PSG8: variants seen among roughly 807,000 people sequenced by gnomAD.
PSG8 encodes pregnancy specific beta-1-glycoprotein 8, also known as pregnancy-specific beta-1-glycoprotein 8.
PSG8 carries 57 observed loss-of-function variants against 42.5 expected under a neutral mutation model. That is an observed-to-expected ratio of 1.34 (90% CI 1.08 to 1.67). The LOEUF (loss-of-function observed/expected upper bound fraction) is 1.67, where lower values mean the gene tolerates loss of function less well. PSG8 is among the 40% of genes most tolerant of loss of function. The pLI is 0.00. For synonymous variants in PSG8, 280 were observed against 196.8 expected, an observed-to-expected ratio of 1.42 and a Z score of -3.54; for missense variants, 783 against 518.6, an observed-to-expected ratio of 1.51 and a Z score of -4.95.
intron 2 of PSG8, among the ~76,000 whole-genome samples, chr19:42,760,438 G>A (rs540416774): frequency 1.3e-5 from 2 of 152,210 alleles, no homozygotes; most frequent in African/African-American, 2.4e-5. Context: ...AAGTTGAAAT[G>A]TTGTTCCACT....
chr19:42,754,598 G>T lies in PSG8; in HGVS notation c.989-11C>A, dbSNP rs1428642332. Reference sequence around the variant, plus strand: ...GGAGGTCTGGACCATCTGGAGCAAAGAGAATAAAGCCACAGGTGATGTCAT... The same window carrying T: ...GGAGGTCTGGACCATCTGGAGCAAATAGAATAAAGCCACAGGTGATGTCAT... On this transcript the variant is annotated splice_polypyrimidine_tract_variant and intron_variant, in intron 4 of 4. Coordinates refer to ENST00000306511, the MANE Select transcript of PSG8 (RefSeq NM_182707.3). The T allele has an allele frequency of 6.2e-7, 1 of 1,608,804 alleles. No homozygotes were observed. The highest frequency in any genetic ancestry group is 1.3e-5 in the African/African-American group (1 of 74,764).
At chr19:42,760,539 G>T (rs527740631) in intron 2 of PSG8, among the ~76,000 whole-genome samples, 36 of 152,192 alleles carry the variant, frequency 2.4e-4, no homozygotes, top group African/African-American at 8.2e-4. Context: ...CCTCAGCTGT[G>T]TGCAGTCTAC....
chr19:42,765,351 A>G (rs1408482602), intron 1 of PSG8, among the ~76,000 whole-genome samples, 167 bp downstream of exon 1: 1 of 151,812 alleles, frequency 6.6e-6, no homozygotes, highest in African/African-American at 2.4e-5. Flanking sequence ...ACAGGGCTTC[A>G]CTGTGTTGGC....
chr19:42,761,637 T>A (rs1425926295), intron 2 of PSG8, among the ~76,000 whole-genome samples: 1 of 152,022 alleles, frequency 6.6e-6, no homozygotes, highest in African/African-American at 2.4e-5. Context: ...GCCCACATGA[T>A]TCCATCACCA....
chr19:42,756,254 A>T (rs1214951159), intron 3 of PSG8: 1 of 152,150 alleles, frequency 6.6e-6, no homozygotes, highest in African/African-American at 2.4e-5. Context: ...TAGGGACCTC[A>T]TGTAAGTGGA....
At position 42,755,051 on chromosome 19, in the gene PSG8, G is replaced by A. The variant is rs1205794631; in HGVS notation, c.925C>T (p.Gln309Ter). The part of the protein sequence containing the change: ...SVTRNETGPY[Q>*]CEIRDQYGGI... ...CCATATTGGTCCCTTATTTCACATT[G>A]ATAGGGTCCTGTTTCATTTCTCGTG... The change falls in exon 4 of 5, where the codon CAA becomes TAA. Residue 309 changes from glutamine to a stop codon, truncating the protein, a stop_gained. Transcript: ENST00000306511. LOFTEE classifies it high-confidence loss of function. 1 of 1,613,034 alleles carries A rather than the reference G, an allele frequency of 6.2e-7. No individual in the cohort carries two copies. Among genetic ancestry groups the A allele is most frequent in the African/African-American group, 1.3e-5 (1 of 74,968 alleles).
chr19:42,760,356 T>G (rs557546047), intron 2 of PSG8, among the ~76,000 whole-genome samples: 1 of 152,300 alleles, frequency 6.6e-6, no homozygotes, highest in South Asian at 2.1e-4. Context: ...ACATGTATGT[T>G]ACAGCCTTTG....
At position 42,758,039 on chromosome 19, in the gene PSG8, A is replaced by G. The variant is rs770680437; in HGVS notation, c.672T>C (p.Ser224=). ...GGGTGAATGGGTCACTGCGGCTGGC[A>G]CTCACTGGGTTCCGTATTTCACATT... The part of the protein sequence containing the change: ...PYECEIRNPV[S]ASRSDPFTLN... Residue 224 remains serine, a synonymous_variant, in exon 3 of 5, where the codon AGT becomes AGC. Coordinates refer to ENST00000306511, the MANE Select transcript of PSG8 (RefSeq NM_182707.3). The G allele has an allele frequency of 3.1e-6, 5 of 1,613,890 alleles. No homozygotes were observed. Among genetic ancestry groups the G allele is most frequent in the Non-Finnish European group, 3.4e-6 (4 of 1,179,914 alleles).
chr19:42,764,150 T>A lies in PSG8; in HGVS notation c.196A>T (p.Ile66Phe), dbSNP rs570388501. 3 of 1,613,918 alleles carry A rather than the reference T, an allele frequency of 1.9e-6. No homozygotes were observed. The highest frequency in any genetic ancestry group is 2.2e-5 in the East Asian group (1 of 44,860). ...HNLPQNLTGY[I>F]WYKGQIRDLY... ...TCCCTGATTTGCCCTTTGTACCAGA[T>A]GTAGCCAGTAAGATTCTGGGGCAAA... The change falls in exon 2 of 5, where the codon ATC (isoleucine) becomes TTC (phenylalanine). Residue 66 changes from isoleucine (I) to phenylalanine (F), a missense_variant. Transcript: ENST00000306511.
chr19:42,757,414 C>A (rs970624672), intron 3 of PSG8, among the ~76,000 whole-genome samples: 2 of 151,948 alleles, frequency 1.3e-5, no homozygotes, highest in Non-Finnish European at 2.9e-5. Flanking sequence ...CAGACATAGA[C>A]CCCTCTATAT....
intron 2 of PSG8, among the ~76,000 whole-genome samples, chr19:42,761,685 T>C (rs941689187): frequency 2.6e-5 from 4 of 152,086 alleles, no homozygotes; most frequent in African/African-American, 9.7e-5. Context: ...CCTGTGCTCC[T>C]GAAACTACCC....
At chr19:42,762,827 T>C (rs912547572) in intron 2 of PSG8, among the ~76,000 whole-genome samples, 3 of 152,104 alleles carry the variant, frequency 2.0e-5, no homozygotes, top group African/African-American at 7.2e-5. Context: ...TTTGGATGCC[T>C]AAGAAGAGAG....
downstream of PSG8, chr19:42,753,487 G>A (rs1006773212): frequency 2.9e-6 from 2 of 700,028 alleles, no homozygotes; most frequent in Non-Finnish European, 5.2e-6. Flanking sequence ...GGCATCTCTA[G>A]TTTTACCAAT....
intron 3 of PSG8, among the ~76,000 whole-genome samples, chr19:42,756,518 C>T (rs1363446141): frequency 6.6e-6 from 1 of 152,100 alleles, no homozygotes; most frequent in Non-Finnish European, 1.5e-5. Flanking sequence ...TTTAGCATCC[C>T]AAATCTGAAA....
chr19:42,765,564 G>A lies in PSG8; in HGVS notation c.18C>T (p.Ala6=), dbSNP rs1342394703. 2.5e-6 allele frequency: 4 copies of A among 1,611,050 alleles called. No homozygotes were observed. The highest frequency in any genetic ancestry group is 3.4e-6 in the Non-Finnish European group (4 of 1,178,124). The change falls in exon 1 of 5, where the codon GCC becomes GCT. Residue 6 remains alanine, a synonymous_variant. Coordinates refer to ENST00000306511, the MANE Select transcript of PSG8 (RefSeq NM_182707.3). The stretch of plus-strand genomic sequence containing the variant: ...AGGTGATGCGCTGTGTGCAGGGAGG[G>A]GCTGAGAGGAGCCCCATGGTCTCTG... MGLLS[A]PPCTQRITWK...
chr19:42,756,767 T>A (rs1198169897), intron 3 of PSG8, among the ~76,000 whole-genome samples: 3 of 152,074 alleles, frequency 2.0e-5, no homozygotes. Flanking sequence ...CATCAGAACT[T>A]TCCACCTTTT....
rs1057402285 is a variant in PSG8 at position 42,758,508 on chromosome 19, A to G, written c.431-228T>C. On this transcript the variant is annotated intron_variant, in intron 2 of 4. Coordinates refer to ENST00000306511, the MANE Select transcript of PSG8 (RefSeq NM_182707.3). ...AGACTTTCTCAAGTGTGAATTGAGC[A>G]GCAGCATTGGGTCATGGAAAGACAC... The G allele has an allele frequency of 2.9e-5, 28 of 977,484 alleles. No homozygotes were observed. The African/African-American group carries it at 4.4e-4, about 16-fold the overall frequency. 60.6% of individuals were successfully genotyped at this position (977,484 alleles called of 1,614,324 possible). A position where few individuals can be genotyped will look rare whatever the true frequency, so the allele number is the denominator to read the frequency against.
chr19:42,753,347 G>T, downstream of PSG8: 1 of 780,470 alleles, frequency 1.3e-6, no homozygotes, highest in Non-Finnish European at 2.4e-6. Context: ...GGAATTGGAG[G>T]AACTAGTAGA....
intron 1 of PSG8, 120 bp downstream of exon 1, chr19:42,765,398 T>G (rs770112285): frequency 7.6e-5 from 112 of 1,473,676 alleles, no homozygotes; most frequent in Non-Finnish European, 1.0e-4. Context: ...ATGATCCACC[T>G]GCCTCAGCCT....
Sources: gnomAD v4.1 joint callset for allele counts (sites outside exome capture counted in the v4.1 genomes callset) on GRCh38, gnomAD v4.1.1 for gene constraint, MANE v1.5 for transcripts, NCBI Gene and HGNC (gene_info 2026-07-23, HGNC 2026-07-21) for gene names.